The following CD93 variants were observed in gnomAD, a reference collection of about 807,000 sequenced individuals.
CD93 encodes complement component C1q receptor.
In CD93, 44 loss-of-function variants were observed where a neutral mutation model predicts 45.5. The observed-to-expected ratio is 0.97, with a 90% CI of 0.76 to 1.24. The LOEUF is 1.24. Ranked by LOEUF, CD93 falls within the 50% of genes most tolerant of loss-of-function variation. The probability of loss-of-function intolerance (pLI) is 0.00; values close to 1 mark genes in which losing one functional copy is unlikely to be tolerated. For missense variants in CD93, 918 were observed against 844.5 expected (o/e 1.09, Z -1.08); for synonymous variants, 431 against 370.8 (o/e 1.16, Z -1.87).
At chr20:23,084,021 G>A (rs1317718885) in intron 1 of CD93, 47 bp from the exon 2 acceptor site, 3 of 1,610,148 alleles carry the variant, frequency 1.9e-6, no homozygotes, top group Admixed American at 3.3e-5. Context: ...GCGCCTCTGT[G>A]CCTGCACGTC....
In CD93 at chr20:23,084,825, T is replaced by C. The variant is rs1181059847; in HGVS notation, c.1368A>G (p.Pro456=). Residue 456 remains proline (P), a synonymous_variant, in exon 1 of 2, where the codon CCA becomes CCG. Transcript: ENST00000246006. The part of the protein sequence containing the change: ...TQGSFHCGCL[P]GWVLAPNGVS... ...CCCCATTTGGGGCCAGCACCCAGCC[T>C]GGCAGGCAGCCACAGTGGAAGGACC... The C allele has an allele frequency of 5.6e-6, 9 of 1,613,266 alleles. No individual in the cohort carries two copies. Among genetic ancestry groups the C allele is most frequent in the Non-Finnish European group, 7.6e-6 (9 of 1,180,010 alleles).
chr20:23,084,248 G>T lies in CD93; in HGVS notation c.1934+11C>A. On this transcript the variant is annotated intron_variant, in intron 1 of 1. Transcript: ENST00000246006. ...CCATCCCCTCCCCCGGTCACTCAGG[G>T]CCCCCTTTACCTGTACTGGTTCTCC... The T allele has an allele frequency of 6.2e-7, 1 of 1,611,976 alleles. No individual in the cohort carries two copies. Among genetic ancestry groups the T allele is most frequent in the Non-Finnish European group, 8.5e-7 (1 of 1,179,232 alleles).
In CD93 at chr20:23,084,603, G is replaced by A; in HGVS notation, c.1590C>T (p.Ala530=). 4 of 1,611,716 alleles carry A rather than the reference G, an allele frequency of 2.5e-6. No individual in the cohort carries two copies. The highest frequency in any genetic ancestry group is 2.7e-5 in the African/African-American group (2 of 74,882). The change falls in exon 1 of 2, where the codon GCC becomes GCT. Residue 530 remains alanine, a synonymous_variant. Transcript: ENST00000246006. ...CACTGGGGGCCAGCATCTTGAGTGG[G>A]GCAGATGTGATGGGGGCGTCAGATG... ...SLSSDAPITS[A]PLKMLAPSGS...
In CD93 at chr20:23,085,050, C is replaced by A. The variant is rs768550295; in HGVS notation, c.1143G>T (p.Gly381=). ...CACACTCATCCACATCCTGACAGGC[C>A]CCCTCTCCAGGACCGCCCGGCTCAT... is the stretch of plus-strand genomic sequence containing the variant. ...VGYEPGGPGE[G]ACQDVDECAL... The change falls in exon 1 of 2, where the codon GGG becomes GGT. Residue 381 remains glycine (G), a synonymous_variant. Coordinates refer to ENST00000246006, the MANE Select transcript of CD93 (RefSeq NM_012072.4). 3 of 1,613,690 alleles carry A rather than the reference C, an allele frequency of 1.9e-6. No individual in the cohort carries two copies. Among genetic ancestry groups the A allele is most frequent in the Non-Finnish European group, 2.5e-6 (3 of 1,179,908 alleles).
Position 23,082,043 on chromosome 20 carries a change from G to T in CD93, c.*1907C>A, listed in dbSNP as rs961277543. On this transcript the variant is annotated 3_prime_UTR_variant, in exon 2 of 2. Coordinates refer to ENST00000246006, the MANE Select transcript of CD93 (RefSeq NM_012072.4). The stretch of plus-strand genomic sequence containing the variant: ...CACCTAGAGTCTCGTGGCCAAGGAA[G>T]TTTTGCCAAATGGACACAGCCTTTG... The T allele has an allele frequency of 2.7e-5, 4 of 149,472 alleles. No homozygotes were observed. Among genetic ancestry groups the T allele is most frequent in the Non-Finnish European group, 4.5e-5 (3 of 66,750 alleles). The allele number at this position is 149,472 out of a possible 1,614,324, so 9.3% of individuals were successfully genotyped here.
rs760307369 is a variant in CD93 at position 23,083,779 on chromosome 20, C to T, written c.*171G>A. ...TTCCACTTCAGGAACATCAAACACC[C>T]GTAGAAAATACCTGCATGTTCCAAG... On this transcript the variant is annotated 3_prime_UTR_variant, in exon 2 of 2. Transcript: ENST00000246006. 123 of 671,512 alleles carry T rather than the reference C, an allele frequency of 1.8e-4. No individual in the cohort carries two copies. The highest frequency in any genetic ancestry group is 3.1e-4 in the Non-Finnish European group (114 of 367,018). 41.6% of individuals were successfully genotyped at this position (671,512 alleles called of 1,614,324 possible).
In CD93 at chr20:23,085,346, A is replaced by G. The variant is rs775505369; in HGVS notation, c.847T>C (p.Phe283Leu). The part of the protein sequence containing the change: ...QDCFEGGDGS[F>L]LCGCRPGFRL... ...AATCCTGGTCGGCAGCCGCAGAGGA[A>G]GGAGCCATCCCCCCCTTCAAAGCAG... The change falls in exon 1 of 2, where the codon TTC becomes CTC. Residue 283 changes from phenylalanine (F) to leucine (L), a missense_variant. Coordinates refer to ENST00000246006, the MANE Select transcript of CD93 (RefSeq NM_012072.4). 1.2e-6 allele frequency: 2 copies of G among 1,614,060 alleles called. No individual in the cohort carries two copies. The highest frequency in any genetic ancestry group is 1.1e-5 in the South Asian group (1 of 91,086).
Position 23,086,232 on chromosome 20 carries a change from C to T in CD93, c.-40G>A. The T allele has an allele frequency of 2.0e-6, 3 of 1,468,108 alleles. 1 individual carries two copies. In the South Asian group the frequency reaches 4.1e-5, roughly 20 times the overall value. 90.9% of individuals were successfully genotyped at this position (1,468,108 alleles called of 1,614,324 possible). A position where few individuals can be genotyped will look rare whatever the true frequency, so the allele number is the denominator to read the frequency against. On this transcript the variant is annotated 5_prime_UTR_variant, in exon 1 of 2. Transcript: ENST00000246006. Reference sequence around the variant, plus strand: ...GGCCCTCTGCGGGAGGCGAGAAGCCCAGCGGCGACAGGAGCTTCTATCTCG... The same window carrying T: ...GGCCCTCTGCGGGAGGCGAGAAGCCTAGCGGCGACAGGAGCTTCTATCTCG...
At position 23,084,520 on chromosome 20, in the gene CD93, G is replaced by A. The variant is rs767837937; in HGVS notation, c.1673C>T (p.Pro558Leu). ...SIHHATAASG[P>L]QEPAGGDSSV... is the part of the protein sequence containing the mutation. ...GGAGTCCCCACCTGCAGGCTCCTGGGGGCCAGAGGCAGCTGTGGCGTGATG... is the reference window on the plus strand; with the variant it reads ...GGAGTCCCCACCTGCAGGCTCCTGGAGGCCAGAGGCAGCTGTGGCGTGATG... The change falls in exon 1 of 2, where the codon CCC becomes CTC. Residue 558 changes from proline (P) to leucine (L), a missense_variant. Physicochemically the swap from Pro to Leu is moderately conservative, Grantham distance 98 (BLOSUM62 -3). Coordinates refer to ENST00000246006, the MANE Select transcript of CD93 (RefSeq NM_012072.4). The A allele has an allele frequency of 1.2e-6, 2 of 1,614,004 alleles. No homozygotes were observed. The highest frequency in any genetic ancestry group is 1.1e-5 in the South Asian group (1 of 91,088).
chr20:23,085,152 A>ATCCACG lies in CD93; in HGVS notation c.1035_1040dup (p.Val346_Asp347dup). The ATCCACG allele has an allele frequency of 1.3e-6, 2 of 1,580,760 alleles. No homozygotes were observed. Among genetic ancestry groups the ATCCACG allele is most frequent in the Non-Finnish European group, 1.7e-6 (2 of 1,162,016 alleles). Reference sequence around the variant, plus strand: ...GGGCACAGGGGGAGTCCTGGCATTCATCCACGTCCACACAGTCCAGCTGAC... The same window carrying ATCCACG: ...GGGCACAGGGGGAGTCCTGGCATTCATCCACGTCCACGTCCACACAGTCCAGCTGAC... On this transcript the variant is annotated inframe_insertion, in exon 1 of 2. Transcript: ENST00000246006.
In CD93 at chr20:23,084,947, C is replaced by T. The variant is rs144703062; in HGVS notation, c.1246G>A (p.Val416Ile). Residue 416 changes from valine to isoleucine, a missense_variant, in exon 1 of 2, where the codon GTC becomes ATC. Physicochemically the swap from Val to Ile is conservative, Grantham distance 29. Transcript: ENST00000246006. ...TGAGTCCCGTCCTCCCCGGCCAGGA[C>T]GTAGCCCTCCTCACAGGAGCAGTGA... ...SFHCSCEEGYVLAGEDGTQCQ... is the reference protein window; with the variant it reads ...SFHCSCEEGYILAGEDGTQCQ... 8.4e-3 allele frequency: 13,560 copies of T among 1,613,610 alleles called. 72 individuals are homozygous for T. Among genetic ancestry groups the T allele is most frequent in the Non-Finnish European group, 0.01 (11,911 of 1,179,984 alleles).
rs1302189577 is a variant in CD93 at position 23,079,422 on chromosome 20, C to T, written c.*4528G>A. ...AAGCTCAAAGGACAACAAAGCTGCACCTTCCTAAAGGCTGACCCTCAAAGC... is the reference window on the plus strand; with the variant it reads ...AAGCTCAAAGGACAACAAAGCTGCATCTTCCTAAAGGCTGACCCTCAAAGC... On this transcript the variant is annotated 3_prime_UTR_variant, in exon 2 of 2. Transcript: ENST00000246006. 4 of 152,184 alleles carry T rather than the reference C, an allele frequency of 2.6e-5. No individual in the cohort carries two copies. Among genetic ancestry groups the T allele is most frequent in the Non-Finnish European group, 5.9e-5 (4 of 68,038 alleles). The allele number at this position is 152,184 out of a possible 1,614,324, so 9.4% of individuals were successfully genotyped here.
rs1014804188 is a variant in CD93 at position 23,083,680 on chromosome 20, A to G, written c.*270T>C. On this transcript the variant is annotated 3_prime_UTR_variant, in exon 2 of 2. Coordinates refer to ENST00000246006, the MANE Select transcript of CD93 (RefSeq NM_012072.4). ...CCTGATCCGGAATTGGTCACATTGG[A>G]ATTTGAAAAGGGAGGGGGAGTAACA... 3.7e-6 allele frequency: 2 copies of G among 541,430 alleles called. No individual in the cohort carries two copies. Among genetic ancestry groups the G allele is most frequent in the African/African-American group, 3.8e-5 (2 of 52,800 alleles). 33.5% of individuals were successfully genotyped at this position (541,430 alleles called of 1,614,324 possible).
rs748556553 is a variant in CD93 at position 23,086,115 on chromosome 20, C to T, written c.78G>A (p.Thr26=). 2 of 1,590,236 alleles carry T rather than the reference C, an allele frequency of 1.3e-6. No individual in the cohort carries two copies. The highest frequency in any genetic ancestry group is 1.7e-6 in the Non-Finnish European group (2 of 1,175,422). The change falls in exon 1 of 2, where the codon ACG becomes ACA. Residue 26 remains threonine (T), a synonymous_variant. Transcript: ENST00000246006. ...CGGTCCCCACGCAGACCACCGCCTCCGTGTCAGCTCCCGTCCCCGCCCCGG... is the reference window on the plus strand; with the variant it reads ...CGGTCCCCACGCAGACCACCGCCTCTGTGTCAGCTCCCGTCCCCGCCCCGG... ...TQPGAGTGAD[T]EAVVCVGTAC...
chr20:23,084,933 C>T lies in CD93; in HGVS notation c.1260G>A (p.Glu420=), dbSNP rs933723196. 5.0e-6 allele frequency: 8 copies of T among 1,613,360 alleles called. No homozygotes were observed. The highest frequency in any genetic ancestry group is 6.8e-6 in the Non-Finnish European group (8 of 1,179,964). ...SCEEGYVLAG[E]DGTQCQDVDE... ...CCACGTCCTGGCACTGAGTCCCGTC[C>T]TCCCCGGCCAGGACGTAGCCCTCCT... The change falls in exon 1 of 2, where the codon GAG becomes GAA. Residue 420 remains glutamate (E), a synonymous_variant. Transcript: ENST00000246006.
In CD93 at chr20:23,085,868, G is replaced by A. The variant is rs749212920; in HGVS notation, c.325C>T (p.Leu109=). Residue 109 remains leucine (L), a synonymous_variant, in exon 1 of 2, where the codon CTG becomes TTG. Coordinates refer to ENST00000246006, the MANE Select transcript of CD93 (RefSeq NM_012072.4). ...ACCCAGCTGAAGCCCTTCAGCGGCAGACTAGGGTCCAGGCACTTGCCCTTC... is the reference window on the plus strand; with the variant it reads ...ACCCAGCTGAAGCCCTTCAGCGGCAAACTAGGGTCCAGGCACTTGCCCTTC... ...REKGKCLDPS[L]PLKGFSWVGG... is the part of the protein sequence containing the mutation. 4.8e-6 allele frequency: 6 copies of A among 1,243,128 alleles called. No homozygotes were observed. In the South Asian group the frequency reaches 4.9e-5, roughly 10 times the overall value. 77.0% of individuals were successfully genotyped at this position (1,243,128 alleles called of 1,614,324 possible).
rs1216330050 is a variant in CD93 at position 23,082,522 on chromosome 20, T to C, written c.*1428A>G. On this transcript the variant is annotated 3_prime_UTR_variant, in exon 2 of 2. Coordinates refer to ENST00000246006, the MANE Select transcript of CD93 (RefSeq NM_012072.4). ...ATGTGTTCCAGTGCCCCAGGCAGAATGGTGCCGTGTCTCTGTGTGTGTGTG... is the reference window on the plus strand; with the variant it reads ...ATGTGTTCCAGTGCCCCAGGCAGAACGGTGCCGTGTCTCTGTGTGTGTGTG... 1 of 140,716 alleles carries C rather than the reference T, an allele frequency of 7.1e-6. No individual in the cohort carries two copies. Among genetic ancestry groups the C allele is most frequent in the East Asian group, 2.2e-4 (1 of 4,596 alleles). 8.7% of individuals were successfully genotyped at this position (140,716 alleles called of 1,614,324 possible).
chr20:23,085,831 T>TTGGGC lies in CD93; in HGVS notation c.361_362insGCCCA (p.Glu121GlyfsTer81). 2.8e-5 allele frequency: 42 copies of TTGGGC among 1,490,898 alleles called. No homozygotes were observed. The highest frequency in any genetic ancestry group is 3.6e-5 in the Non-Finnish European group (39 of 1,097,534). 92.4% of individuals were successfully genotyped at this position (1,490,898 alleles called of 1,614,324 possible). A position where few individuals can be genotyped will look rare whatever the true frequency, so the allele number is the denominator to read the frequency against. ...GTGCCAGTTAGAGTAAGGCGTGTCCTCCCCCCCGCCCACCCAGCTGAAGCC... is the reference window on the plus strand; with the variant it reads ...GTGCCAGTTAGAGTAAGGCGTGTCCTTGGGCCCCCCCCGCCCACCCAGCTGAAGCC... On this transcript the variant is annotated frameshift_variant, in exon 1 of 2. Transcript: ENST00000246006. LOFTEE classifies it high-confidence loss of function.
chr20:23,082,329 G>T lies in CD93; in HGVS notation c.*1621C>A, dbSNP rs1985344681. On this transcript the variant is annotated 3_prime_UTR_variant, in exon 2 of 2. Coordinates refer to ENST00000246006, the MANE Select transcript of CD93 (RefSeq NM_012072.4). The stretch of plus-strand genomic sequence containing the variant: ...CCTCAGAGACCGATGCATTGCTAAG[G>T]CAAAACCAGAAACACCCTTTCTCTG... 6.6e-6 allele frequency: 1 copy of T among 152,212 alleles called. No individual in the cohort carries two copies. The highest frequency in any genetic ancestry group is 1.5e-5 in the Non-Finnish European group (1 of 68,080). The allele number at this position is 152,212 out of a possible 1,614,324, so 9.4% of individuals were successfully genotyped here.
Sources: allele counts gnomAD v4.1 joint callset, GRCh38; gene constraint gnomAD v4.1.1; transcripts MANE v1.5; gene names NCBI Gene and HGNC (gene_info 2026-07-23, HGNC 2026-07-21).